Variants in PTPRT observed in about 807,000 individuals in gnomAD.
PTPRT encodes receptor-type tyrosine-protein phosphatase T.
Under a neutral mutation model 176.8 loss-of-function variants are expected in PTPRT, and 56 were observed. The observed-to-expected ratio is 0.32, with a 90% CI of 0.26 to 0.40. The LOEUF is 0.40. Ranked by LOEUF, PTPRT falls within the 10% of genes least tolerant of loss-of-function variation. The pLI, the probability that PTPRT is intolerant of heterozygous loss-of-function variation, is 1.00. For synonymous variants in PTPRT, 783 were observed against 739.0 expected, an observed-to-expected ratio of 1.06 and a Z score of -0.96; for missense variants, 1,540 against 1,908.2, an observed-to-expected ratio of 0.81 and a Z score of 3.60.
chr20:42,485,614 G>C (rs1485596955), intron 7 of PTPRT, among the ~76,000 whole-genome samples: 1 of 151,764 alleles, frequency 6.6e-6, no homozygotes, highest in African/African-American at 2.4e-5. Flanking sequence ...TTCAGCTGGA[G>C]AATTTGGCTT....
intron 7 of PTPRT, among the ~76,000 whole-genome samples, chr20:42,565,758 G>T (rs544682027): frequency 6.6e-6 from 1 of 152,248 alleles, no homozygotes; most frequent in East Asian, 1.9e-4. Context: ...ATTGGTGTGG[G>T]AGCCGGGGCA....
intron 1 of PTPRT, among the ~76,000 whole-genome samples, chr20:42,929,820 A>G (rs1979720391): frequency 6.6e-6 from 1 of 152,266 alleles, no homozygotes; most frequent in South Asian, 2.1e-4. Flanking sequence ...AAGCAACTCA[A>G]GAACCCATTC....
At chr20:42,856,987 C>T (rs1244177878) in intron 2 of PTPRT, among the ~76,000 whole-genome samples, 1 of 152,130 alleles carries the variant, frequency 6.6e-6, no homozygotes, top group Non-Finnish European at 1.5e-5. Flanking sequence ...TGAGTACATG[C>T]CTTCAATTTC....
intron 13 of PTPRT, among the ~76,000 whole-genome samples, chr20:42,253,572 C>A (rs1364086541): frequency 6.6e-6 from 1 of 152,130 alleles, no homozygotes; most frequent in Non-Finnish European, 1.5e-5. Context: ...GTGCATCTTC[C>A]TCATCTTTAC....
intron 9 of PTPRT, among the ~76,000 whole-genome samples, chr20:42,408,972 T>C (rs1022552384): frequency 6.6e-6 from 1 of 152,192 alleles, no homozygotes; most frequent in Non-Finnish European, 1.5e-5. Context: ...TAACCCCACA[T>C]GGGAGGGCTC....
In PTPRT at chr20:42,911,976, C is replaced by CTTTTTTTT. The variant is rs11475084; in HGVS notation, c.89-26052_89-26045dup. 1.6e-3 allele frequency among the ~76,000 whole-genome samples: 202 copies of CTTTTTTTT among 123,612 alleles called. 1 individual carries two copies. The highest frequency in any genetic ancestry group is 3.2e-3 in the East Asian group (14 of 4,338). The allele number at this position is 123,612 out of a possible 152,430, so 81.1% of individuals were successfully genotyped here. On this transcript the variant is annotated intron_variant, in intron 1 of 30. Transcript: ENST00000373187. ...AATTTACTAACCCAAATCCTCTTTT[C>CTTTTTTTT]TTTTTTTTTTTTTTTTTTGCTTTCA...
At chr20:42,201,950 CGTGTGTGTGTGTGT>C (rs11468258) in intron 15 of PTPRT, among the ~76,000 whole-genome samples, 1 of 143,214 alleles carries the variant, frequency 7.0e-6, no homozygotes, top group East Asian at 2.1e-4. Flanking sequence ...AGAAAAGTTG[CGTGTGTGTGTGTGT>C]GTGTGTGTGT....
intron 11 of PTPRT, among the ~76,000 whole-genome samples, chr20:42,319,436 C>T (rs547519739): frequency 6.6e-6 from 1 of 152,138 alleles, no homozygotes; most frequent in African/African-American, 2.4e-5. Context: ...TTAAACTGTG[C>T]AGTCAACATA....
At chr20:42,452,679 T>A (rs1317307843) in intron 8 of PTPRT, among the ~76,000 whole-genome samples, 2 of 152,352 alleles carry the variant, frequency 1.3e-5, no homozygotes, top group East Asian at 3.9e-4. Context: ...TGATGAAGAC[T>A]GTGAGCATGA....
At position 42,941,307 on chromosome 20, in the gene PTPRT, A is replaced by G. The variant is rs180962948; in HGVS notation, c.89-55375T>C. ...TGGTGATTCAAAGGATTCAAAAATCATTAAGATTAAGAGATGTCATCAGGC... is the reference window on the plus strand; with the variant it reads ...TGGTGATTCAAAGGATTCAAAAATCGTTAAGATTAAGAGATGTCATCAGGC... On this transcript the variant is annotated intron_variant, in intron 1 of 30. Transcript: ENST00000373187. Among the ~76,000 whole-genome samples, 119 of 152,292 alleles carry G rather than the reference A, an allele frequency of 7.8e-4. 1 individual carries two copies. The highest frequency in any genetic ancestry group is 1.6e-3 in the African/African-American group (67 of 41,562).
At chr20:42,122,556 C>A (rs539322912) in intron 19 of PTPRT, among the ~76,000 whole-genome samples, 34 of 152,248 alleles carry the variant, frequency 2.2e-4, no homozygotes, top group Non-Finnish European at 4.6e-4. Context: ...AAAATAGTCC[C>A]CTAGATCCTG....
In PTPRT at chr20:42,569,257, CTG is replaced by C. The variant is rs528087298; in HGVS notation, c.1154-96697_1154-96696del. Among the ~76,000 whole-genome samples, 14 of 151,424 alleles carry C rather than the reference CTG, an allele frequency of 9.2e-5. No individual in the cohort carries two copies. In the South Asian group the frequency reaches 2.5e-3, roughly 27 times the overall value. Reference sequence around the variant, plus strand: ...GCTCAGAAATGTTAGTCAAAAGTTACTGTGAGTAAATACTTCACTATGAAATT... The same window carrying C: ...GCTCAGAAATGTTAGTCAAAAGTTACTGAGTAAATACTTCACTATGAAATT... On this transcript the variant is annotated intron_variant, in intron 7 of 30. Transcript: ENST00000373187.
intron 18 of PTPRT, among the ~76,000 whole-genome samples, chr20:42,132,107 T>C (rs1474859016): frequency 6.6e-6 from 1 of 152,196 alleles, no homozygotes; most frequent in Non-Finnish European, 1.5e-5. Flanking sequence ...ACAGTGTTTC[T>C]TTTCTGGGAC....
chr20:42,829,565 T>TA (rs2078053564), intron 2 of PTPRT, among the ~76,000 whole-genome samples: 1 of 152,142 alleles, frequency 6.6e-6, no homozygotes, highest in Non-Finnish European at 1.5e-5. Context: ...CCATCTCTAC[T>TA]AAAAATACAA....
intron 11 of PTPRT, among the ~76,000 whole-genome samples, chr20:42,339,630 A>C (rs1383720079): frequency 2.0e-5 from 3 of 152,248 alleles, no homozygotes; most frequent in Non-Finnish European, 4.4e-5. Context: ...GCGTGGTCCA[A>C]GACCAGTAGG....
rs563522165 is a variant in PTPRT, at chr20:42,956,664, A to G, written c.89-70732T>C. On this transcript the variant is annotated intron_variant, in intron 1 of 30. Coordinates refer to ENST00000373187, the MANE Select transcript of PTPRT (RefSeq NM_007050.6). ...GAATGGCCTAACACACTAGAGCACC[A>G]AAGACTCTGCAGCTCCCACCTGGGC... 3.6e-3 allele frequency among the ~76,000 whole-genome samples: 541 copies of G among 152,200 alleles called. 3 individuals carry two copies. Among genetic ancestry groups the G allele is most frequent in the Non-Finnish European group, 5.3e-3 (357 of 67,988 alleles).
chr20:42,410,263 A>G (rs941613501), intron 9 of PTPRT, among the ~76,000 whole-genome samples: 3 of 152,198 alleles, frequency 2.0e-5, no homozygotes, highest in African/African-American at 7.2e-5. Flanking sequence ...TTTAAAAGAC[A>G]TATTCAGATT....
intron 9 of PTPRT, among the ~76,000 whole-genome samples, chr20:42,412,433 C>A (rs1316120793): frequency 6.6e-6 from 1 of 152,188 alleles, no homozygotes; most frequent in African/African-American, 2.4e-5. Context: ...CCTCACAAGG[C>A]TATGAAATGA....
chr20:42,650,002 A>G (rs2075000372), intron 7 of PTPRT, among the ~76,000 whole-genome samples: 1 of 151,676 alleles, frequency 6.6e-6, no homozygotes, highest in African/African-American at 2.4e-5. Context: ...ACCCTCCACC[A>G]CTCTGCTTTA....
Sources: allele counts gnomAD v4.1 joint callset (sites outside exome capture counted in the v4.1 genomes callset), GRCh38; gene constraint gnomAD v4.1.1; transcripts MANE v1.5; gene names NCBI Gene and HGNC (gene_info 2026-07-23, HGNC 2026-07-21).